The following PTPRT variants were observed in gnomAD, a reference collection of about 807,000 sequenced individuals.
PTPRT encodes protein tyrosine phosphatase receptor type T.
Under a neutral mutation model 176.8 loss-of-function variants are expected in PTPRT, and 56 were observed. That is an observed-to-expected ratio of 0.32 (90% CI 0.26 to 0.40). The LOEUF (loss-of-function observed/expected upper bound fraction) is 0.40, where lower values mean the gene tolerates loss of function less well. Among genes scored for constraint, PTPRT ranks in the 10% least tolerant of loss-of-function variants. The pLI is 1.00. For synonymous variants in PTPRT, 783 were observed against 739.0 expected, an observed-to-expected ratio of 1.06 and a Z score of -0.96; for missense variants, 1,540 against 1,908.2, an observed-to-expected ratio of 0.81 and a Z score of 3.60.
At chr20:42,774,864 C>A (rs2077111737) in intron 4 of PTPRT, among the ~76,000 whole-genome samples, 1 of 152,140 alleles carries the variant, frequency 6.6e-6, no homozygotes, top group Non-Finnish European at 1.5e-5. Flanking sequence ...GGTGATTGTG[C>A]TTATGTGGGG....
chr20:42,927,223 G>A (rs1161934636), intron 1 of PTPRT, among the ~76,000 whole-genome samples: 1 of 152,214 alleles, frequency 6.6e-6, no homozygotes, highest in African/African-American at 2.4e-5. Context: ...TTAATGGGAA[G>A]AGCAAAAGGC....
intron 1 of PTPRT, among the ~76,000 whole-genome samples, chr20:42,986,725 C>T (rs1983599885): frequency 6.6e-6 from 1 of 152,188 alleles, no homozygotes; most frequent in African/African-American, 2.4e-5. Flanking sequence ...GCTCATGAAA[C>T]TCCTACAAGG....
chr20:42,477,374 G>A (rs1568914898), intron 7 of PTPRT, among the ~76,000 whole-genome samples: 1 of 151,938 alleles, frequency 6.6e-6, no homozygotes, highest in Non-Finnish European at 1.5e-5. Context: ...AGGTCTTTAA[G>A]GGTAATATAT....
At chr20:42,689,470 T>A (rs1182525969) in intron 6 of PTPRT, among the ~76,000 whole-genome samples, 2 of 152,146 alleles carry the variant, frequency 1.3e-5, no homozygotes, top group African/African-American at 2.4e-5. Flanking sequence ...TGAGCCCACA[T>A]GTGATCCAAT....
At chr20:42,921,945 T>C (rs375255610) in intron 1 of PTPRT, among the ~76,000 whole-genome samples, 2 of 152,196 alleles carry the variant, frequency 1.3e-5, no homozygotes, top group East Asian at 1.9e-4. Context: ...GTCTTCCACC[T>C]ACTCTTTTGA....
chr20:42,626,678 G>A (rs537614136), intron 7 of PTPRT, among the ~76,000 whole-genome samples: 62 of 152,300 alleles, frequency 4.1e-4, no homozygotes, highest in African/African-American at 1.3e-3. Context: ...GAGCCAGCTC[G>A]GAGAAACGGG....
intron 6 of PTPRT, among the ~76,000 whole-genome samples, chr20:42,680,554 G>A (rs961455707): frequency 1.3e-5 from 2 of 152,134 alleles, no homozygotes. Context: ...TGAGGCCCCA[G>A]GGGTGATATT....
chr20:42,611,679 C>G (rs1304010671), intron 7 of PTPRT, among the ~76,000 whole-genome samples: 1 of 152,212 alleles, frequency 6.6e-6, no homozygotes, highest in Non-Finnish European at 1.5e-5. Flanking sequence ...AACTTTCTAT[C>G]CAAACTCACC....
chr20:42,779,851 T>G (rs1384976627), intron 4 of PTPRT, among the ~76,000 whole-genome samples: 7 of 45,290 alleles, frequency 1.5e-4, no homozygotes, highest in African/African-American at 2.2e-4. Context: ...GGTGGTGTGT[T>G]TTTTTTTTTT....
At chr20:42,804,039 C>T (rs574569238) in intron 2 of PTPRT, among the ~76,000 whole-genome samples, 1 of 152,232 alleles carries the variant, frequency 6.6e-6, no homozygotes, top group Middle Eastern at 3.4e-3. Context: ...GAGATAATGA[C>T]GACTCACAGA....
chr20:42,467,218 C>T (rs1490955557), intron 8 of PTPRT, among the ~76,000 whole-genome samples: 1 of 152,148 alleles, frequency 6.6e-6, no homozygotes, highest in Admixed American at 6.5e-5. Context: ...CGTGTTAAAA[C>T]CATTGAGTGA....
intron 2 of PTPRT, among the ~76,000 whole-genome samples, chr20:42,822,923 T>C (rs969333458): frequency 6.6e-6 from 1 of 152,132 alleles, no homozygotes; most frequent in Non-Finnish European, 1.5e-5. Flanking sequence ...TGGAGAAATG[T>C]AAATGATTTT....
At chr20:42,194,197 T>A (rs555990193) in intron 16 of PTPRT, among the ~76,000 whole-genome samples, 1 of 152,326 alleles carries the variant, frequency 6.6e-6, no homozygotes, top group South Asian at 2.1e-4. Context: ...TTTATTCATC[T>A]TTGAAACTAC....
intron 6 of PTPRT, among the ~76,000 whole-genome samples, chr20:42,731,808 G>A (rs982966742): frequency 6.6e-6 from 1 of 152,098 alleles, no homozygotes; most frequent in African/African-American, 2.4e-5. Flanking sequence ...ACCACCCTCA[G>A]TCCTTTCAAC....
chr20:43,013,194 TC>T (rs1438309542), intron 1 of PTPRT, among the ~76,000 whole-genome samples: 4 of 152,166 alleles, frequency 2.6e-5, no homozygotes, highest in Non-Finnish European at 5.9e-5. Flanking sequence ...TCATTTTTAT[TC>T]TTTTGGAAGT....
chr20:43,172,662 G>T (rs568990448), intron 1 of PTPRT, among the ~76,000 whole-genome samples: 5 of 152,168 alleles, frequency 3.3e-5, no homozygotes, highest in Admixed American at 3.3e-4. Context: ...CTTTCCATGA[G>T]CCTGGCTCCT....
At chr20:42,538,612 C>A (rs1265743652) in intron 7 of PTPRT, among the ~76,000 whole-genome samples, 1 of 152,118 alleles carries the variant, frequency 6.6e-6, no homozygotes, top group Non-Finnish European at 1.5e-5. Flanking sequence ...TAATCTATAC[C>A]AAAATTGGGA....
At chr20:42,934,328 A>G (rs1165191801) in intron 1 of PTPRT, among the ~76,000 whole-genome samples, 1 of 152,244 alleles carries the variant, frequency 6.6e-6, no homozygotes, top group African/African-American at 2.4e-5. Flanking sequence ...TTAATAAAGG[A>G]AAATAGTTTT....
rs77619059 is a variant in PTPRT at position 42,216,957 on chromosome 20, C to T, written c.2343-17569G>A. Among the ~76,000 whole-genome samples the T allele has an allele frequency of 3.2e-3, 494 of 152,210 alleles. 5 individuals are homozygous for T. Among genetic ancestry groups the T allele is most frequent in the African/African-American group, 0.01 (429 of 41,530 alleles). On this transcript the variant is annotated intron_variant, in intron 15 of 30. Coordinates refer to ENST00000373187, the MANE Select transcript of PTPRT (RefSeq NM_007050.6). ...GGTGAGTGCAAAAACTTTTCATTTCCGAGTTCCTAGGAGACGCTAGGTTCT... is the reference window on the plus strand; with the variant it reads ...GGTGAGTGCAAAAACTTTTCATTTCTGAGTTCCTAGGAGACGCTAGGTTCT...
Sources: allele counts gnomAD v4.1 joint callset (sites outside exome capture counted in the v4.1 genomes callset), GRCh38; gene constraint gnomAD v4.1.1; transcripts MANE v1.5; gene names NCBI Gene and HGNC (gene_info 2026-07-23, HGNC 2026-07-21).